Variants in NAALADL1 observed in about 807,000 individuals in gnomAD.
NAALADL1 encodes the protein aminopeptidase NAALADL1.
A neutral mutation model predicts 82.8 loss-of-function variants in NAALADL1; 77 were observed. That is an observed-to-expected ratio of 0.93 (90% CI 0.77 to 1.12). NAALADL1 has a LOEUF of 1.12. Among genes scored for constraint, NAALADL1 ranks in the 50% most tolerant of loss-of-function variants. The pLI, the probability that NAALADL1 is intolerant of heterozygous loss-of-function variation, is 0.00. For missense variants in NAALADL1, 956 were observed against 964.0 expected, an observed-to-expected ratio of 0.99 and a Z score of 0.11; for synonymous variants, 358 against 399.2, an observed-to-expected ratio of 0.90 and a Z score of 1.23.
At position 65,054,836 on chromosome 11, in the gene NAALADL1, C is replaced by A; in HGVS notation, c.604-98G>T. The A allele has an allele frequency of 7.0e-7, 1 of 1,438,080 alleles. No individual in the cohort carries two copies. The highest frequency in any genetic ancestry group is 2.3e-5 in the East Asian group (1 of 42,660). The allele number at this position is 1,438,080 out of a possible 1,614,324, so 89.1% of individuals were successfully genotyped here. On this transcript the variant is annotated intron_variant, in intron 4 of 17. Transcript: ENST00000358658. The surrounding 1 kb of genome is among the most constrained non-coding windows in gnomAD (Gnocchi z 4.3). ...CCTCGACTGTGGAAGCCAGGATAGACCAATCTTCCATGGGCAAGATGACGT... is the reference window on the plus strand; with the variant it reads ...CCTCGACTGTGGAAGCCAGGATAGAACAATCTTCCATGGGCAAGATGACGT...
chr11:65,056,050 A>T (rs1384361140), intron 4 of NAALADL1, among the ~76,000 whole-genome samples: 2 of 151,574 alleles, frequency 1.3e-5, no homozygotes, highest in South Asian at 2.1e-4. Flanking sequence ...ATGAGCGGCT[A>T]TTTTTTGTAT....
rs113077033 is a variant in NAALADL1 at position 65,045,778 on chromosome 11, G to A, written c.2036+44C>T. 1,877 of 1,572,250 alleles carry A rather than the reference G, an allele frequency of 1.2e-3. 13 individuals are homozygous for A. In the African/African-American group the frequency reaches 0.021, roughly 18 times the overall value. On this transcript the variant is annotated intron_variant, in intron 17 of 17. Transcript: ENST00000358658. ...CGTCTCAGGTGGGGAGCCATTGTCCGGCCCCACCTGGAGGCACCTCCCAGG... is the reference window on the plus strand; with the variant it reads ...CGTCTCAGGTGGGGAGCCATTGTCCAGCCCCACCTGGAGGCACCTCCCAGG...
intron 4 of NAALADL1, among the ~76,000 whole-genome samples, chr11:65,056,663 C>A (rs1211623017): frequency 1.3e-5 from 2 of 151,182 alleles, no homozygotes; most frequent in Non-Finnish European, 2.9e-5. Context: ...TGCCTTGGCC[C>A]CGCAAAGTGC....
upstream of NAALADL1, among the ~76,000 whole-genome samples, chr11:65,059,510 T>C (rs1172007609): frequency 6.6e-6 from 1 of 152,154 alleles, no homozygotes; most frequent in Non-Finnish European, 1.5e-5. Context: ...ATACGAGGAA[T>C]GGGAGTCCTG....
In NAALADL1 at chr11:65,047,501, T is replaced by C. The variant is rs759714705; in HGVS notation, c.1573A>G (p.Met525Val). Residue 525 changes from methionine (M) to valine (V), a missense_variant, in exon 13 of 18, where the codon ATG becomes GTG. Physicochemically the swap from Met to Val is conservative, Grantham distance 21. Coordinates refer to ENST00000358658, the MANE Select transcript of NAALADL1 (RefSeq NM_005468.3). ...PFVHFLGISSMDIAYTYDRSK... is the reference protein window; with the variant it reads ...PFVHFLGISSVDIAYTYDRSK... Reference sequence around the variant, plus strand: ...CGGTCATAGGTATAGGCAATGTCCATGGAGGAGATGCCCAGGAAGTGAACG... The same window carrying C: ...CGGTCATAGGTATAGGCAATGTCCACGGAGGAGATGCCCAGGAAGTGAACG... 19 of 1,568,054 alleles carry C rather than the reference T, an allele frequency of 1.2e-5. No homozygotes were observed. Among genetic ancestry groups the C allele is most frequent in the Non-Finnish European group, 1.5e-5 (17 of 1,156,334 alleles).
At chr11:65,048,476 C>G (rs549382064) in intron 8 of NAALADL1, 91 bp from the exon 9 acceptor site, 5 of 1,383,672 alleles carry the variant, frequency 3.6e-6, no homozygotes, top group Non-Finnish European at 5.1e-6. Context: ...GAGGGGAGAG[C>G]GGGAAAAGGC....
rs775048611 is a variant in NAALADL1, at chr11:65,054,428, G to T, written c.887+27C>A. On this transcript the variant is annotated intron_variant, in intron 5 of 17. Transcript: ENST00000358658. This position sits in a 1 kb window ranked among gnomAD's most constrained non-coding sequence, Gnocchi z 4.3. ...GAAGTCTGGAGGCCACTGGGGCTGGGCAGGACACCCCAGGGCACAAACTCA... is the reference window on the plus strand; with the variant it reads ...GAAGTCTGGAGGCCACTGGGGCTGGTCAGGACACCCCAGGGCACAAACTCA... The T allele has an allele frequency of 6.2e-7, 1 of 1,613,026 alleles. No individual in the cohort carries two copies. Among genetic ancestry groups the T allele is most frequent in the Non-Finnish European group, 8.5e-7 (1 of 1,179,128 alleles).
chr11:65,050,082 G>A (rs1226332662), intron 8 of NAALADL1, among the ~76,000 whole-genome samples: 2 of 151,474 alleles, frequency 1.3e-5, no homozygotes, highest in Non-Finnish European at 2.9e-5. Context: ...TACCACGTTG[G>A]CCAGGCTGGT....
At position 65,048,350 on chromosome 11, in the gene NAALADL1, T is replaced by G; in HGVS notation, c.1234A>C (p.Ser412Arg). ...AGCCCAAACTCCTCAGCCCCCCAGC[T>G]CGCAAACACGATTGATCTGCGAGGA... ...WRPRRSIVFASWGAEEFGLIG... is the reference protein window; with the variant it reads ...WRPRRSIVFARWGAEEFGLIG... The change falls in exon 9 of 18, where the codon AGC becomes CGC. Residue 412 changes from serine (S) to arginine (R), a missense_variant. Coordinates refer to ENST00000358658, the MANE Select transcript of NAALADL1 (RefSeq NM_005468.3). 6.2e-7 allele frequency: 1 copy of G among 1,614,094 alleles called. No individual in the cohort carries two copies. Among genetic ancestry groups the G allele is most frequent in the Non-Finnish European group, 8.5e-7 (1 of 1,180,008 alleles).
At chr11:65,049,072 GTGCA>G (rs1946817566) in intron 8 of NAALADL1, among the ~76,000 whole-genome samples, 1 of 152,180 alleles carries the variant, frequency 6.6e-6, no homozygotes, top group Non-Finnish European at 1.5e-5. Flanking sequence ...CCAGGTTGGA[GTGCA>G]GTGGTGCGAT....
chr11:65,056,742 G>C (rs11231935), intron 4 of NAALADL1, among the ~76,000 whole-genome samples: 1 of 140,794 alleles, frequency 7.1e-6, no homozygotes, highest in Middle Eastern at 3.7e-3. Flanking sequence ...TTTTAAATCA[G>C]AGTCTCGATG....
rs1946929429 is a variant in NAALADL1, at chr11:65,053,007, G to T, written c.1198+211C>A. Reference sequence around the variant, plus strand: ...GGCCTTGCTCCATCCAGGCACACGGGAGGCACTTGGAAGCGGCACATGAAT... The same window carrying T: ...GGCCTTGCTCCATCCAGGCACACGGTAGGCACTTGGAAGCGGCACATGAAT... On this transcript the variant is annotated intron_variant, in intron 8 of 17. Transcript: ENST00000358658. The surrounding 1 kb of genome is among the most constrained non-coding windows in gnomAD (Gnocchi z 4.3). 6.6e-6 allele frequency among the ~76,000 whole-genome samples: 1 copy of T among 152,248 alleles called. No individual in the cohort carries two copies. Among genetic ancestry groups the T allele is most frequent in the Non-Finnish European group, 1.5e-5 (1 of 68,044 alleles).
chr11:65,047,578 A>G lies in NAALADL1; in HGVS notation c.1509-13T>C, dbSNP rs1322262224. ...CAGAGAACCCAAGCTGCGGGAAGGAAGGGGGCCGGGATAAAGAGCGCTGGG... is the reference window on the plus strand; with the variant it reads ...CAGAGAACCCAAGCTGCGGGAAGGAGGGGGGCCGGGATAAAGAGCGCTGGG... On this transcript the variant is annotated splice_polypyrimidine_tract_variant and intron_variant, in intron 12 of 17. Transcript: ENST00000358658. The G allele has an allele frequency of 6.4e-7, 1 of 1,573,644 alleles. No homozygotes were observed. The highest frequency in any genetic ancestry group is 8.6e-7 in the Non-Finnish European group (1 of 1,159,860).
At chr11:65,058,899 G>A (rs1452375520), upstream of NAALADL1, among the ~76,000 whole-genome samples, 2 of 152,134 alleles carry the variant, frequency 1.3e-5, no homozygotes, top group African/African-American at 4.8e-5. Context: ...CAAGGCAGCC[G>A]ATCTACAGCA....
rs1204079981 is a variant in NAALADL1 at position 65,058,336 on chromosome 11, C to G, written c.185+1G>C. The G allele has an allele frequency of 6.2e-7, 1 of 1,614,100 alleles. No individual in the cohort carries two copies. The highest frequency in any genetic ancestry group is 2.2e-5 in the East Asian group (1 of 44,884). ...GAGGAGCAGATGGCCCCACTTCTCA[C>G]CTGAGGTTCTCCCGGATCCTGTGGG... On this transcript the variant is annotated splice_donor_variant, in intron 1 of 17. Transcript: ENST00000358658. LOFTEE classifies it high-confidence loss of function.
At chr11:65,055,486 G>A (rs576271917) in intron 4 of NAALADL1, among the ~76,000 whole-genome samples, 40 of 152,202 alleles carry the variant, frequency 2.6e-4, no homozygotes, top group African/African-American at 9.2e-4. Context: ...ATATTATTCA[G>A]CCTAAAAAGA....
In NAALADL1 at chr11:65,045,900, C is replaced by T. The variant is rs774500102; in HGVS notation, c.1958G>A (p.Arg653Gln). ...QKGSPDPLQV[R>Q]MLNDQLMLLE... ...GAGCATCAACTGGTCATTGAGCATCCGGACCTGCAGGGGGCTGGTGGGGAG... is the reference window on the plus strand; with the variant it reads ...GAGCATCAACTGGTCATTGAGCATCTGGACCTGCAGGGGGCTGGTGGGGAG... Residue 653 changes from arginine to glutamine, a missense_variant, in exon 17 of 18, where the codon CGG becomes CAG. By Grantham distance (43) the Arg-to-Gln change is conservative. Coordinates refer to ENST00000358658, the MANE Select transcript of NAALADL1 (RefSeq NM_005468.3). 3.7e-6 allele frequency: 6 copies of T among 1,614,076 alleles called. No homozygotes were observed. Among genetic ancestry groups the T allele is most frequent in the Admixed American group, 3.3e-5 (2 of 60,014 alleles).
In NAALADL1 at chr11:65,057,012, C is replaced by T. The variant is rs114868603; in HGVS notation, c.603+359G>A. Among the ~76,000 whole-genome samples the T allele has an allele frequency of 5.9e-3, 895 of 152,336 alleles. 11 individuals are homozygous for T. The highest frequency in any genetic ancestry group is 0.021 in the African/African-American group (855 of 41,570). Reference sequence around the variant, plus strand: ...GATTATAGGCGTGAGCCACAGCGCCCGGCCCCTAGTCAGAATTTTTGATGG... The same window carrying T: ...GATTATAGGCGTGAGCCACAGCGCCTGGCCCCTAGTCAGAATTTTTGATGG... On this transcript the variant is annotated intron_variant, in intron 4 of 17. Coordinates refer to ENST00000358658, the MANE Select transcript of NAALADL1 (RefSeq NM_005468.3).
At position 65,054,623 on chromosome 11, in the gene NAALADL1, G is replaced by T. The variant is rs778274813; in HGVS notation, c.719C>A (p.Pro240His). 6.2e-6 allele frequency: 10 copies of T among 1,613,910 alleles called. No individual in the cohort carries two copies. In the African/African-American group the frequency reaches 1.2e-4, roughly 19 times the overall value. Reference sequence around the variant, plus strand: ...GGAGCCTCGCTCCACTCCTGAGGGGGGCAGGTACCAGGAGTTGGGAAAGGT... The same window carrying T: ...GGAGCCTCGCTCCACTCCTGAGGGGTGCAGGTACCAGGAGTTGGGAAAGGT... ...DETFPNSWYL[P>H]PSGVERGSYY... is the part of the protein sequence containing the mutation. Residue 240 changes from proline to histidine, a missense_variant, in exon 5 of 18, where the codon CCC becomes CAC. Physicochemically the swap from Pro to His is moderately conservative, Grantham distance 77. Transcript: ENST00000358658. This position sits in a 1 kb window ranked among gnomAD's most constrained non-coding sequence, Gnocchi z 4.3.
Sources: allele counts gnomAD v4.1 joint callset (sites outside exome capture counted in the v4.1 genomes callset), GRCh38; gene constraint gnomAD v4.1.1; non-coding constraint Gnocchi (gnomAD v3.1); transcripts MANE v1.5; gene names NCBI Gene and HGNC (gene_info 2026-07-23, HGNC 2026-07-21).